The following CHFR variants were observed in gnomAD, a reference collection of about 807,000 sequenced individuals.
CHFR encodes E3 ubiquitin-protein ligase CHFR.
Under a neutral mutation model 87.6 loss-of-function variants are expected in CHFR, and 57 were observed. The ratio of observed to expected loss-of-function variants is 0.65; its 90% CI spans 0.53 to 0.81. The LOEUF is 0.81. CHFR is among the 30% of genes least tolerant of loss of function. CHFR has a pLI of 0.00. For missense variants in CHFR, 797 were observed against 865.8 expected, an observed-to-expected ratio of 0.92 and a Z score of 1.00; for synonymous variants, 381 against 359.2, an observed-to-expected ratio of 1.06 and a Z score of -0.69.
rs749373830 is a variant in CHFR, at chr12:132,853,561, G to A, written c.1242C>T (p.Val414=). ...SESSDISQPY[V]VCRQCPEYRR... The stretch of plus-strand genomic sequence containing the variant: ...TGTACTCAGGACACTGCCGGCACAC[G>A]ACGTATGGCTGGCTGCAAGGAAGCA... Residue 414 remains valine, a synonymous_variant, in exon 11 of 18, where the codon GTC becomes GTT. Transcript: ENST00000450056. 125 of 1,530,364 alleles carry A rather than the reference G, an allele frequency of 8.2e-5. No individual in the cohort carries two copies. Among genetic ancestry groups the A allele is most frequent in the Middle Eastern group, 1.7e-4 (1 of 5,954 alleles). 94.8% of individuals were successfully genotyped at this position (1,530,364 alleles called of 1,614,324 possible). A position where few individuals can be genotyped will look rare whatever the true frequency, so the allele number is the denominator to read the frequency against.
intron 6 of CHFR, chr12:132,862,501 G>A: frequency 2.4e-6 from 1 of 414,268 alleles, no homozygotes. Context: ...CTACTCAGGA[G>A]GCTGAGGTGA....
At chr12:132,857,821 G>A (rs1354368264) in intron 8 of CHFR, among the ~76,000 whole-genome samples, 1 of 152,270 alleles carries the variant, frequency 6.6e-6, no homozygotes, top group Non-Finnish European at 1.5e-5. Context: ...TGGCCCAGAA[G>A]TTGGAAGGTT....
chr12:132,874,380 C>A (rs1951567048), intron 3 of CHFR, among the ~76,000 whole-genome samples: 1 of 151,060 alleles, frequency 6.6e-6, no homozygotes, highest in Non-Finnish European at 1.5e-5. Flanking sequence ...CGCAAGGAAG[C>A]CAGGCCCTGG....
chr12:132,842,922 G>A, intron 17 of CHFR, 89 bp downstream of exon 17: 1 of 1,078,890 alleles, frequency 9.3e-7, no homozygotes, highest in Admixed American at 2.0e-5. Flanking sequence ...CCTGAGAGAA[G>A]CATAATGACC....
In CHFR at chr12:132,837,133, CAGG is replaced by C. The variant is rs1950654076; in HGVS notation, c.*4418_*4420del. ...AAGCAGAGGAACACCTGAGGGGCTC[CAGG>C]AGAAGCAGGTAGGGAGAAGAGGTTT... On this transcript the variant is annotated 3_prime_UTR_variant, in exon 18 of 18. Transcript: ENST00000450056. The C allele has an allele frequency of 7.1e-6, 2 of 282,624 alleles. No homozygotes were observed. Among genetic ancestry groups the C allele is most frequent in the African/African-American group, 4.5e-5 (2 of 44,328 alleles). The allele number at this position is 282,624 out of a possible 1,614,324, so 17.5% of individuals were successfully genotyped here. A position where few individuals can be genotyped will look rare whatever the true frequency, so the allele number is the denominator to read the frequency against.
intron 10 of CHFR, 38 bp downstream of exon 10, chr12:132,856,430 G>C (rs1290128320): frequency 6.2e-7 from 1 of 1,609,354 alleles, no homozygotes; most frequent in South Asian, 1.1e-5. Context: ...TGCTCCTCTG[G>C]CTCACACACT....
At chr12:132,869,972 G>C in intron 5 of CHFR, 174 bp from the exon 6 acceptor site, 1 of 702,246 alleles carries the variant, frequency 1.4e-6, no homozygotes, top group Non-Finnish European at 2.4e-6. Context: ...ACTTTGGGAA[G>C]TCGAGGCAGG....
chr12:132,886,256 G>C (rs947647119), intron 2 of CHFR, among the ~76,000 whole-genome samples: 1 of 151,912 alleles, frequency 6.6e-6, no homozygotes, highest in Non-Finnish European at 1.5e-5. Context: ...GGTGCAGTGA[G>C]CTGAGATCAC....
intron 8 of CHFR, among the ~76,000 whole-genome samples, chr12:132,858,278 T>A (rs945417289): frequency 1.6e-4 from 25 of 152,108 alleles, no homozygotes; most frequent in Admixed American, 1.3e-4. Flanking sequence ...GAGAATCACT[T>A]GAACCTGGGA....
intron 2 of CHFR, among the ~76,000 whole-genome samples, chr12:132,879,376 A>G (rs1160742326): frequency 1.4e-5 from 2 of 146,242 alleles, no homozygotes; most frequent in African/African-American, 5.1e-5. Flanking sequence ...TAATTCTGAC[A>G]CTTTGGGATT....
intron 6 of CHFR, 53 bp from the exon 7 acceptor site, chr12:132,861,687 A>G: frequency 6.4e-7 from 1 of 1,563,238 alleles, no homozygotes; most frequent in Non-Finnish European, 8.8e-7. Flanking sequence ...TCAGGAGAGA[A>G]CCATGCCTGT....
intron 15 of CHFR, among the ~76,000 whole-genome samples, chr12:132,845,457 C>CA (rs745511558): frequency 3.1e-4 from 39 of 124,086 alleles, no homozygotes; most frequent in East Asian, 2.7e-3. Flanking sequence ...GATTCCATCT[C>CA]AAAAAAAAAA....
intron 6 of CHFR, among the ~76,000 whole-genome samples, chr12:132,868,248 T>C (rs927144153): frequency 6.6e-6 from 1 of 152,198 alleles, no homozygotes; most frequent in Non-Finnish European, 1.5e-5. Flanking sequence ...TCCTAGCACT[T>C]TGGGAGGCCG....
intron 14 of CHFR, chr12:132,847,467 A>G (rs1950854874): frequency 1.8e-6 from 2 of 1,110,942 alleles, no homozygotes; most frequent in Admixed American, 8.9e-5. Flanking sequence ...GTTGCACAAG[A>G]AAAGCTGAGG....
intron 11 of CHFR, among the ~76,000 whole-genome samples, 175 bp from the exon 12 acceptor site, chr12:132,851,912 A>G (rs1950955429): frequency 6.6e-6 from 1 of 152,202 alleles, no homozygotes. Context: ...TCGGGGAGTC[A>G]AAACAGATTA....
At position 132,837,575 on chromosome 12, in the gene CHFR, G is replaced by C. The variant is rs1055563705; in HGVS notation, c.*3979C>G. On this transcript the variant is annotated 3_prime_UTR_variant, in exon 18 of 18. Coordinates refer to ENST00000450056, the MANE Select transcript of CHFR (RefSeq NM_001161346.2). ...TGCGTCCTGAGCACTCATCACCTTT[G>C]TTTTCAGTGTAACTCAATTCTAAGT... 6.6e-6 allele frequency: 1 copy of C among 152,348 alleles called. No individual in the cohort carries two copies. The highest frequency in any genetic ancestry group is 1.5e-5 in the Non-Finnish European group (1 of 68,148). 9.4% of individuals were successfully genotyped at this position (152,348 alleles called of 1,614,324 possible).
At chr12:132,877,897 G>C (rs1951666419) in intron 2 of CHFR, among the ~76,000 whole-genome samples, 1 of 152,064 alleles carries the variant, frequency 6.6e-6, no homozygotes, top group African/African-American at 2.4e-5. Context: ...CCGCCTCCCA[G>C]GTTCACACCA....
Position 132,861,342 on chromosome 12 carries a change from A to G in CHFR, c.751+125T>C, listed in dbSNP as rs1951205402. On this transcript the variant is annotated intron_variant, in intron 7 of 17. Transcript: ENST00000450056. The stretch of plus-strand genomic sequence containing the variant: ...AAATGCCGGAGGTGTTACAGGCATC[A>G]ACCTGAGGCAGGGTCCACATGCCCC... 4.3e-6 allele frequency: 4 copies of G among 939,668 alleles called. No individual in the cohort carries two copies. In the East Asian group the frequency reaches 9.7e-5, roughly 23 times the overall value. 58.2% of individuals were successfully genotyped at this position (939,668 alleles called of 1,614,324 possible).
intron 6 of CHFR, among the ~76,000 whole-genome samples, chr12:132,865,617 C>T (rs1024622800): frequency 1.3e-5 from 2 of 150,144 alleles, no homozygotes; most frequent in African/African-American, 4.9e-5. Flanking sequence ...AAGTGATTCG[C>T]CTGTCTTGGC....
Sources: gnomAD v4.1 joint callset for allele counts (sites outside exome capture counted in the v4.1 genomes callset) on GRCh38, gnomAD v4.1.1 for gene constraint, MANE v1.5 for transcripts, NCBI Gene and HGNC (gene_info 2026-07-23, HGNC 2026-07-21) for gene names.